Variants in SLIT3 observed in about 807,000 individuals in gnomAD.
SLIT3 encodes slit guidance ligand 3.
In SLIT3, 68 loss-of-function variants were observed where a neutral mutation model predicts 184.0. The ratio of observed to expected loss-of-function variants is 0.37; its 90% CI spans 0.30 to 0.45. The LOEUF (loss-of-function observed/expected upper bound fraction) is 0.45. Among genes scored for constraint, SLIT3 ranks in the 20% least tolerant of loss-of-function variants. SLIT3 has a pLI of 1.00. For synonymous variants in SLIT3, 831 were observed against 828.6 expected, an observed-to-expected ratio of 1.00 and a Z score of -0.05; for missense variants, 1,707 against 2,026.0, an observed-to-expected ratio of 0.84 and a Z score of 3.02.
At chr5:169,106,349 T>C (rs965804497) in intron 4 of SLIT3, among the ~76,000 whole-genome samples, 15 of 152,072 alleles carry the variant, frequency 9.9e-5, no homozygotes, top group Non-Finnish European at 1.6e-4. Flanking sequence ...GACTGTTAAA[T>C]AGTATGAGTG....
chr5:169,025,986 T>A lies in SLIT3; in HGVS notation c.414-142650A>T, dbSNP rs555781574. Among the ~76,000 whole-genome samples, 76 of 152,084 alleles carry A rather than the reference T, an allele frequency of 5.0e-4. No homozygotes were observed. The Middle Eastern group carries it at 0.02, about 41-fold the overall frequency. On this transcript the variant is annotated intron_variant, in intron 4 of 35. Coordinates refer to ENST00000519560, the MANE Select transcript of SLIT3 (RefSeq NM_003062.4). ...AAAGGTGAGTGGCTAATTTCCCAAA[T>A]CCCCCAATCACCAGCCTGTCTCCTC...
At chr5:169,282,080 C>T (rs888780) in intron 1 of SLIT3, among the ~76,000 whole-genome samples, 1 of 152,164 alleles carries the variant, frequency 6.6e-6, no homozygotes. Context: ...TTTCCCCTTG[C>T]ATCCTCTCTA....
At chr5:168,935,220 GAGA>G (rs1378894945) in intron 4 of SLIT3, among the ~76,000 whole-genome samples, 1 of 151,604 alleles carries the variant, frequency 6.6e-6, no homozygotes, top group African/African-American at 2.4e-5. Flanking sequence ...TTTTTCAGAT[GAGA>G]AGTTGAGACT....
At chr5:169,010,599 T>C (rs1379944097) in intron 4 of SLIT3, among the ~76,000 whole-genome samples, 1 of 152,180 alleles carries the variant, frequency 6.6e-6, no homozygotes, top group Non-Finnish European at 1.5e-5. Flanking sequence ...GATTCATCCC[T>C]ATCAGAAAAT....
Position 169,175,530 on chromosome 5 carries a change from G to C in SLIT3, c.413+17949C>G, listed in dbSNP as rs149116666. Among the ~76,000 whole-genome samples the C allele has an allele frequency of 3.8e-3, 586 of 152,294 alleles. 1 individual carries two copies. The highest frequency in any genetic ancestry group is 6.5e-3 in the Admixed American group (99 of 15,288). On this transcript the variant is annotated intron_variant, in intron 4 of 35. Coordinates refer to ENST00000519560, the MANE Select transcript of SLIT3 (RefSeq NM_003062.4). The stretch of plus-strand genomic sequence containing the variant: ...CCCAGGATAATTATGAAGATTAAAG[G>C]AGATTCTGAAGATTATGGCATTTAG...
At chr5:169,143,814 A>C (rs1168564282) in intron 4 of SLIT3, among the ~76,000 whole-genome samples, 2 of 152,198 alleles carry the variant, frequency 1.3e-5, no homozygotes, top group African/African-American at 4.8e-5. Flanking sequence ...CAACAAAAAC[A>C]GTATGTATGC....
chr5:169,133,012 C>T (rs1437691354), intron 4 of SLIT3, among the ~76,000 whole-genome samples: 4 of 152,160 alleles, frequency 2.6e-5, no homozygotes, highest in Admixed American at 6.5e-5. Flanking sequence ...GCAACTACCT[C>T]TTCAGTAGAG....
chr5:168,981,821 C>T (rs954822537), intron 4 of SLIT3, among the ~76,000 whole-genome samples: 3 of 152,120 alleles, frequency 2.0e-5, no homozygotes, highest in South Asian at 4.1e-4. Flanking sequence ...ATCTGGTTTC[C>T]CAAGAAACTT....
In SLIT3 at chr5:168,994,623, C is replaced by CTTTTT. The variant is rs66498923; in HGVS notation, c.414-111292_414-111288dup. Reference sequence around the variant, plus strand: ...ACATGTACCAGTGTCTGGCATTCTACTTTTTTTTTTTTTTTTTTTTTTTTT... The same window carrying CTTTTT: ...ACATGTACCAGTGTCTGGCATTCTACTTTTTTTTTTTTTTTTTTTTTTTTTTTTTT... On this transcript the variant is annotated intron_variant, in intron 4 of 35. Transcript: ENST00000519560. 2.4e-3 allele frequency among the ~76,000 whole-genome samples: 114 copies of CTTTTT among 47,100 alleles called. 36 individuals carry two copies. Among genetic ancestry groups the CTTTTT allele is most frequent in the African/African-American group, 4.2e-3 (43 of 10,222 alleles). 30.9% of individuals were successfully genotyped at this position (47,100 alleles called of 152,430 possible).
At chr5:169,272,001 A>G (rs1007618167) in intron 1 of SLIT3, among the ~76,000 whole-genome samples, 2 of 152,194 alleles carry the variant, frequency 1.3e-5, no homozygotes, top group African/African-American at 2.4e-5. Context: ...AGAGTAGGGG[A>G]AACTGGGCAG....
chr5:168,911,222 T>A (rs1377859412), intron 4 of SLIT3, among the ~76,000 whole-genome samples: 3 of 152,166 alleles, frequency 2.0e-5, no homozygotes, highest in Non-Finnish European at 4.4e-5. Context: ...ATTGTGCATA[T>A]AATAGATATA....
intron 3 of SLIT3, among the ~76,000 whole-genome samples, chr5:169,234,428 A>T (rs917130702): frequency 2.0e-5 from 3 of 152,080 alleles, no homozygotes; most frequent in African/African-American, 7.2e-5. Context: ...GTTTTTTCTG[A>T]GATGCAGTCT....
intron 4 of SLIT3, among the ~76,000 whole-genome samples, chr5:168,970,828 T>C (rs924643353): frequency 1.3e-5 from 2 of 152,230 alleles, no homozygotes; most frequent in Admixed American, 6.5e-5. Context: ...ATGTAATATC[T>C]TTGGACCTCA....
chr5:169,183,428 C>T (rs926464689), intron 4 of SLIT3, among the ~76,000 whole-genome samples: 9 of 152,172 alleles, frequency 5.9e-5, no homozygotes, highest in Non-Finnish European at 4.4e-5. Flanking sequence ...AGCCCTTACA[C>T]ATACAACCCT....
At chr5:169,113,616 T>C (rs1581422824) in intron 4 of SLIT3, among the ~76,000 whole-genome samples, 1 of 152,008 alleles carries the variant, frequency 6.6e-6, no homozygotes, top group Non-Finnish European at 1.5e-5. Flanking sequence ...CTCACTGATA[T>C]ATAATGTATA....
chr5:168,834,040 T>G (rs1036852454), intron 6 of SLIT3, among the ~76,000 whole-genome samples: 1 of 152,242 alleles, frequency 6.6e-6, no homozygotes, highest in Non-Finnish European at 1.5e-5. Context: ...AAGTCACAAC[T>G]AGCCCCCAGT....
chr5:169,249,393 T>C (rs1439082491), intron 2 of SLIT3, among the ~76,000 whole-genome samples: 2 of 152,222 alleles, frequency 1.3e-5, no homozygotes, highest in Non-Finnish European at 2.9e-5. Context: ...CAAAGGAATG[T>C]TGTAGACCAT....
At position 169,118,250 on chromosome 5, in the gene SLIT3, T is replaced by G. The variant is rs2113280952; in HGVS notation, c.413+75229A>C. On this transcript the variant is annotated intron_variant, in intron 4 of 35. Coordinates refer to ENST00000519560, the MANE Select transcript of SLIT3 (RefSeq NM_003062.4). ...GCCTACATATAAAAGAATCTGTATT[T>G]CCTCAATAATTTGTATTAGGATTTT... is the stretch of plus-strand genomic sequence containing the variant. Among the ~76,000 whole-genome samples, 2 of 152,360 alleles carry G rather than the reference T, an allele frequency of 1.3e-5. 1 individual carries two copies. The highest frequency in any genetic ancestry group is 6.8e-3 in the Middle Eastern group (2 of 294).
At chr5:168,999,001 C>T (rs1434271505) in intron 4 of SLIT3, among the ~76,000 whole-genome samples, 1 of 151,884 alleles carries the variant, frequency 6.6e-6, no homozygotes, top group Non-Finnish European at 1.5e-5. Context: ...GCAGCCTCAA[C>T]CTCCCAGACT....
Sources: gnomAD v4.1 joint callset for allele counts (sites outside exome capture counted in the v4.1 genomes callset) on GRCh38, gnomAD v4.1.1 for gene constraint, MANE v1.5 for transcripts, NCBI Gene and HGNC (gene_info 2026-07-23, HGNC 2026-07-21) for gene names.